LSAMP: variants seen among roughly 807,000 people sequenced by gnomAD.
LSAMP encodes the protein limbic system-associated membrane protein.
Under a neutral mutation model 38.6 loss-of-function variants are expected in LSAMP, and 7 were observed. The ratio of observed to expected loss-of-function variants is 0.18; its 90% CI spans 0.10 to 0.34. The LOEUF is 0.34. Ranked by LOEUF, LSAMP falls within the 10% of genes least tolerant of loss-of-function variation. The pLI, the probability that LSAMP is intolerant of heterozygous loss-of-function variation, is 1.00. For missense variants in LSAMP, 313 were observed against 420.0 expected (o/e 0.75, Z 2.23); for synonymous variants, 154 against 166.8 (o/e 0.92, Z 0.59).
chr3:115,916,025 T>G (rs74926269), intron 3 of LSAMP, among the ~76,000 whole-genome samples: 1 of 152,198 alleles, frequency 6.6e-6, no homozygotes, highest in Non-Finnish European at 1.5e-5. Flanking sequence ...TCAGACTCAC[T>G]TGGCAGAGCA....
At chr3:116,273,813 T>TCTCTCTCTC (rs1366882405) in intron 1 of LSAMP, among the ~76,000 whole-genome samples, 3 of 136,784 alleles carry the variant, frequency 2.2e-5, no homozygotes, top group Non-Finnish European at 4.6e-5. Context: ...TTTTCTTTCT[T>TCTCTCTCTC]TCTCTCTCTC....
Position 116,417,385 on chromosome 3 carries a change from C to T in LSAMP, c.155+27492G>A, listed in dbSNP as rs181031840. On this transcript the variant is annotated intron_variant, in intron 1 of 6. Coordinates refer to ENST00000490035, the MANE Select transcript of LSAMP (RefSeq NM_002338.5). ...CAGCCAAGGGGCTATGCTGTCCATG[C>T]TGGAGGATGGCTAAACCAGAGTGAG... Among the ~76,000 whole-genome samples the T allele has an allele frequency of 1.0e-3, 152 of 152,306 alleles. 1 individual carries two copies. The highest frequency in any genetic ancestry group is 3.4e-3 in the Middle Eastern group (1 of 294).
chr3:116,124,825 G>A (rs1708969924), intron 1 of LSAMP, among the ~76,000 whole-genome samples: 1 of 152,092 alleles, frequency 6.6e-6, no homozygotes, highest in African/African-American at 2.4e-5. Flanking sequence ...ATAAATACAT[G>A]GAGGTTTTAT....
intron 3 of LSAMP, among the ~76,000 whole-genome samples, chr3:115,988,896 T>A (rs1417092974): frequency 6.6e-6 from 1 of 152,104 alleles, no homozygotes; most frequent in Non-Finnish European, 1.5e-5. Flanking sequence ...TCTTAACATA[T>A]ACTTGAAAAC....
intron 3 of LSAMP, among the ~76,000 whole-genome samples, chr3:115,946,595 G>T (rs1441164154): frequency 6.6e-6 from 1 of 152,170 alleles, no homozygotes; most frequent in Non-Finnish European, 1.5e-5. Flanking sequence ...AGAAATACCA[G>T]AAATTCTAAA....
At chr3:115,919,324 A>G (rs1253020813) in intron 3 of LSAMP, among the ~76,000 whole-genome samples, 3 of 152,174 alleles carry the variant, frequency 2.0e-5, no homozygotes, top group African/African-American at 7.2e-5. Flanking sequence ...ATGAATGCAT[A>G]GTCTAGGAAG....
chr3:116,245,497 A>G (rs1486744032), intron 1 of LSAMP, among the ~76,000 whole-genome samples: 1 of 152,162 alleles, frequency 6.6e-6, no homozygotes, highest in East Asian at 1.9e-4. Context: ...TTTGGTGCAT[A>G]TCTTACTCTT....
intron 1 of LSAMP, among the ~76,000 whole-genome samples, chr3:116,287,569 A>G (rs755340282): frequency 2.6e-5 from 4 of 152,194 alleles, no homozygotes; most frequent in Non-Finnish European, 1.5e-5. Context: ...ACAAAAAGGT[A>G]AAGAGTAAAA....
At chr3:116,395,952 T>C (rs2048761541) in intron 1 of LSAMP, among the ~76,000 whole-genome samples, 1 of 152,212 alleles carries the variant, frequency 6.6e-6, no homozygotes, top group South Asian at 2.1e-4. Flanking sequence ...GACACATTAA[T>C]AATTTTATAT....
intron 1 of LSAMP, among the ~76,000 whole-genome samples, chr3:116,340,603 T>C (rs34663845): frequency 0.15 from 22,050 of 151,936 alleles, 2,318 homozygotes; most frequent in African/African-American, 0.3. Context: ...ATTAAAATAA[T>C]CTCCAGACAT....
chr3:115,908,471 A>G (rs1490756672), intron 3 of LSAMP, among the ~76,000 whole-genome samples: 1 of 152,152 alleles, frequency 6.6e-6, no homozygotes, highest in Non-Finnish European at 1.5e-5. Flanking sequence ...ACCTGAACAC[A>G]GGACCCTACC....
At chr3:115,813,365 A>T (rs546641418) in intron 6 of LSAMP, among the ~76,000 whole-genome samples, 1 of 152,254 alleles carries the variant, frequency 6.6e-6, no homozygotes, top group African/African-American at 2.4e-5. Flanking sequence ...TAGCCTGGGA[A>T]TAGGCTATAC....
At chr3:115,874,944 TAAAC>T (rs1489577822) in intron 3 of LSAMP, among the ~76,000 whole-genome samples, 1 of 152,076 alleles carries the variant, frequency 6.6e-6, no homozygotes, top group Non-Finnish European at 1.5e-5. Context: ...TTCCTCAAAT[TAAAC>T]AGACACATTT....
intron 4 of LSAMP, among the ~76,000 whole-genome samples, chr3:115,845,433 C>T (rs1031985368): frequency 1.3e-5 from 2 of 152,138 alleles, no homozygotes; most frequent in Non-Finnish European, 2.9e-5. Flanking sequence ...ACCCTTGGTC[C>T]CCTACCACTT....
intron 3 of LSAMP, among the ~76,000 whole-genome samples, chr3:116,013,818 A>G (rs1275467753): frequency 6.6e-6 from 1 of 152,214 alleles, no homozygotes; most frequent in Admixed American, 6.5e-5. Context: ...GATCTCACAT[A>G]CAGACGCTTG....
intron 1 of LSAMP, among the ~76,000 whole-genome samples, chr3:116,235,991 T>C (rs977643681): frequency 1.3e-5 from 2 of 152,174 alleles, no homozygotes; most frequent in African/African-American, 4.8e-5. Context: ...AGGTGCGGAA[T>C]AAATTTATTT....
At chr3:115,920,966 T>G (rs1388979964) in intron 3 of LSAMP, among the ~76,000 whole-genome samples, 1 of 152,062 alleles carries the variant, frequency 6.6e-6, no homozygotes, top group African/African-American at 2.4e-5. Context: ...CTTTGTCTCT[T>G]TTGACAGTTT....
At chr3:115,873,919 G>A (rs16824208) in intron 3 of LSAMP, among the ~76,000 whole-genome samples, 2 of 151,898 alleles carry the variant, frequency 1.3e-5, no homozygotes, top group African/African-American at 4.8e-5. Context: ...GACCTTCCAC[G>A]TAGGAATCAG....
At chr3:116,257,570 ATT>A (rs372830820) in intron 1 of LSAMP, among the ~76,000 whole-genome samples, 2 of 151,154 alleles carry the variant, frequency 1.3e-5, no homozygotes, top group Non-Finnish European at 3.0e-5. Context: ...AAAATTAAAG[ATT>A]TTTTTTTTCT....
Sources: gnomAD v4.1 joint callset for allele counts (sites outside exome capture counted in the v4.1 genomes callset) on GRCh38, gnomAD v4.1.1 for gene constraint, MANE v1.5 for transcripts, NCBI Gene and HGNC (gene_info 2026-07-23, HGNC 2026-07-21) for gene names.